The following JAKMIP2 variants were observed in gnomAD, a reference collection of about 807,000 sequenced individuals.
The protein encoded by JAKMIP2 is janus kinase and microtubule interacting protein 2.
In JAKMIP2, 25 loss-of-function variants were observed where a neutral mutation model predicts 115.0. That is an observed-to-expected ratio of 0.22 (90% CI 0.16 to 0.30). The LOEUF (loss-of-function observed/expected upper bound fraction) is 0.30. JAKMIP2 is among the 10% of genes least tolerant of loss of function. The pLI is 1.00. For missense variants in JAKMIP2, 642 were observed against 957.6 expected (o/e 0.67, Z 4.35); for synonymous variants, 334 against 343.6 (o/e 0.97, Z 0.31).
intron 1 of JAKMIP2, among the ~76,000 whole-genome samples, chr5:147,709,577 G>A (rs1235404515): frequency 6.6e-6 from 1 of 152,146 alleles, no homozygotes. Flanking sequence ...TAGGCCGGGT[G>A]GGGTGGCTCA....
Position 147,697,969 on chromosome 5 carries a change from G to A in JAKMIP2, c.-148-26015C>T, listed in dbSNP as rs145058337. On this transcript the variant is annotated intron_variant, in intron 1 of 21. Transcript: ENST00000616793. ...CTGTCCTCCAGACCCCAGAATGGTA[G>A]AGCCACCAACAGCTTGCACTGTGTG... Among the ~76,000 whole-genome samples the A allele has an allele frequency of 8.9e-4, 136 of 152,310 alleles. 4 individuals are homozygous for A. The East Asian group carries it at 0.017, about 19-fold the overall frequency.
Position 147,620,852 on chromosome 5 carries a change from T to C in JAKMIP2, c.2065-109A>G, listed in dbSNP as rs900443929. The C allele has an allele frequency of 4.0e-6, 3 of 755,616 alleles. No individual in the cohort carries two copies. In the African/African-American group the frequency reaches 5.3e-5, roughly 13 times the overall value. The allele number at this position is 755,616 out of a possible 1,614,324, so 46.8% of individuals were successfully genotyped here. On this transcript the variant is annotated intron_variant, in intron 17 of 21. Coordinates refer to ENST00000616793, the MANE Select transcript of JAKMIP2 (RefSeq NM_001270941.2). ...ATTCTACCATAAGACAAATCACTAG[T>C]ATTTGTAGAGTCATAAATTTTGTCT...
chr5:147,687,361 G>C (rs1454024690), intron 1 of JAKMIP2, among the ~76,000 whole-genome samples: 3 of 152,144 alleles, frequency 2.0e-5, no homozygotes, highest in Non-Finnish European at 4.4e-5. Flanking sequence ...TGAACTGCAG[G>C]CCTGAAGATG....
intron 3 of JAKMIP2, among the ~76,000 whole-genome samples, chr5:147,653,049 T>C (rs1420772845): frequency 1.3e-5 from 2 of 152,218 alleles, no homozygotes; most frequent in Non-Finnish European, 2.9e-5. Flanking sequence ...ATTCTTTTTT[T>C]ATGGCTGCAT....
At chr5:147,681,612 G>A (rs1458846530) in intron 1 of JAKMIP2, among the ~76,000 whole-genome samples, 2 of 152,150 alleles carry the variant, frequency 1.3e-5, no homozygotes, top group African/African-American at 4.8e-5. Context: ...GGACATGTGT[G>A]TGCTAAGCAA....
intron 1 of JAKMIP2, among the ~76,000 whole-genome samples, chr5:147,780,919 A>G (rs982606748): frequency 6.6e-6 from 1 of 152,184 alleles, no homozygotes; most frequent in African/African-American, 2.4e-5. Context: ...TGGTAAATGT[A>G]ATATTACTAA....
intron 1 of JAKMIP2, among the ~76,000 whole-genome samples, chr5:147,721,608 T>C (rs1341109036): frequency 6.6e-6 from 1 of 152,064 alleles, no homozygotes; most frequent in African/African-American, 2.4e-5. Flanking sequence ...AGTGACCCGA[T>C]TTTCCAGGTG....
intron 1 of JAKMIP2, among the ~76,000 whole-genome samples, chr5:147,764,954 G>A (rs1376242686): frequency 3.5e-4 from 26 of 74,908 alleles, no homozygotes; most frequent in East Asian, 2.3e-3. Context: ...GAGGGAGAGA[G>A]AGAGAGAGAG....
intron 1 of JAKMIP2, among the ~76,000 whole-genome samples, chr5:147,760,169 A>C (rs1754882360): frequency 6.6e-6 from 1 of 152,096 alleles, no homozygotes; most frequent in Non-Finnish European, 1.5e-5. Context: ...GCCCCTGTGA[A>C]GATCGAAAGA....
intron 2 of JAKMIP2, 92 bp from the exon 3 acceptor site, chr5:147,661,537 C>A: frequency 7.8e-7 from 1 of 1,276,126 alleles, no homozygotes; most frequent in African/African-American, 1.5e-5. Flanking sequence ...CCGCTGTGAT[C>A]TCTTAATTCC....
At chr5:147,731,336 G>A (rs899947243) in intron 1 of JAKMIP2, among the ~76,000 whole-genome samples, 6 of 152,150 alleles carry the variant, frequency 3.9e-5, no homozygotes, top group South Asian at 2.1e-4. Flanking sequence ...AGTAGCTCAC[G>A]AAAGACTAAC....
rs557878134 is a variant in JAKMIP2 at position 147,714,777 on chromosome 5, A to G, written c.-148-42823T>C. ...AGCAGGAGACAGTGGAATATTTTTCATAGGTTGAAAGAAGGTAACTACCCA... is the reference window on the plus strand; with the variant it reads ...AGCAGGAGACAGTGGAATATTTTTCGTAGGTTGAAAGAAGGTAACTACCCA... On this transcript the variant is annotated intron_variant, in intron 1 of 21. Transcript: ENST00000616793. 2.0e-5 allele frequency among the ~76,000 whole-genome samples: 3 copies of G among 152,306 alleles called. No homozygotes were observed. The South Asian group carries it at 6.2e-4, about 32-fold the overall frequency.
intron 20 of JAKMIP2, among the ~76,000 whole-genome samples, chr5:147,610,369 T>C (rs1756250561): frequency 6.6e-6 from 1 of 152,216 alleles, no homozygotes; most frequent in Non-Finnish European, 1.5e-5. Context: ...ATACAGTTTT[T>C]GCATGGTTGT....
At chr5:147,672,382 G>A (rs1305594911) in intron 1 of JAKMIP2, among the ~76,000 whole-genome samples, 1 of 152,236 alleles carries the variant, frequency 6.6e-6, no homozygotes, top group East Asian at 1.9e-4. Flanking sequence ...AGGATTACAT[G>A]TAATAGCTAA....
At chr5:147,733,180 GA>G (rs1420423934) in intron 1 of JAKMIP2, among the ~76,000 whole-genome samples, 1 of 152,060 alleles carries the variant, frequency 6.6e-6, no homozygotes, top group African/African-American at 2.4e-5. Flanking sequence ...AGTAAATGTG[GA>G]CAAAAAATAG....
At chr5:147,656,877 C>T (rs994351094) in intron 3 of JAKMIP2, among the ~76,000 whole-genome samples, 10 of 152,006 alleles carry the variant, frequency 6.6e-5, no homozygotes, top group African/African-American at 2.2e-4. Context: ...GCAAAGCAGG[C>T]CTGGTGGTGA....
chr5:147,753,531 T>G (rs935537014), intron 1 of JAKMIP2, among the ~76,000 whole-genome samples: 2 of 152,228 alleles, frequency 1.3e-5, no homozygotes, highest in Non-Finnish European at 1.5e-5. Flanking sequence ...TCTGTGCAAA[T>G]GCAACCACAC....
intron 1 of JAKMIP2, among the ~76,000 whole-genome samples, chr5:147,732,843 C>T (rs2126973494): frequency 6.6e-6 from 1 of 152,288 alleles, no homozygotes; most frequent in Non-Finnish European, 1.5e-5. Context: ...TAATTTCACG[C>T]TGTGATGTTT....
At chr5:147,694,621 T>C (rs1308693702) in intron 1 of JAKMIP2, among the ~76,000 whole-genome samples, 2 of 152,220 alleles carry the variant, frequency 1.3e-5, no homozygotes, top group Non-Finnish European at 2.9e-5. Context: ...TTTTACAATT[T>C]GATGTGTAAT....
Sources: allele counts gnomAD v4.1 joint callset (sites outside exome capture counted in the v4.1 genomes callset), GRCh38; gene constraint gnomAD v4.1.1; transcripts MANE v1.5; gene names NCBI Gene and HGNC (gene_info 2026-07-23, HGNC 2026-07-21).